The following DOCK1 variants were observed in gnomAD, a reference collection of about 807,000 sequenced individuals.
DOCK1 encodes dedicator of cytokinesis 1.
In DOCK1, 138 loss-of-function variants were observed where a neutral mutation model predicts 262.7. The ratio of observed to expected loss-of-function variants is 0.53; its 90% CI spans 0.46 to 0.61. DOCK1 has a LOEUF of 0.61. DOCK1 is among the 20% of genes least tolerant of loss of function. DOCK1 has a pLI of 0.00. For missense variants in DOCK1, 1,908 were observed against 2,370.7 expected, an observed-to-expected ratio of 0.80 and a Z score of 4.05; for synonymous variants, 866 against 867.4, an observed-to-expected ratio of 1.00 and a Z score of 0.03.
chr10:127,344,408 C>A (rs559133337), intron 31 of DOCK1: 3 of 152,266 alleles, frequency 2.0e-5, no homozygotes, highest in Non-Finnish European at 2.9e-5. Context: ...TCGTCTCTTT[C>A]TGCCTCCGTT....
rs1591745636 is a variant in DOCK1 at position 127,031,762 on chromosome 10, T to C, written c.1728+9T>C. On this transcript the variant is annotated intron_variant, in intron 17 of 51. Coordinates refer to ENST00000623213, the MANE Select transcript of DOCK1 (RefSeq NM_001290223.2). ...ATCTTATCGTCTATAAGGTATCTGG[T>C]TGCATTGGTGCAATATTGCTGCTAT... 1.9e-6 allele frequency: 3 copies of C among 1,608,938 alleles called. No individual in the cohort carries two copies. In the Middle Eastern group the frequency reaches 5.0e-4, roughly 266 times the overall value.
intron 38 of DOCK1, among the ~76,000 whole-genome samples, chr10:127,389,875 G>T (rs897577121): frequency 6.6e-6 from 1 of 152,082 alleles, no homozygotes; most frequent in Non-Finnish European, 1.5e-5. Context: ...TTAGCCCATC[G>T]TGGTGGCAGG....
chr10:127,428,758 GGGTACCGTGTGGACTGT>G, intron 47 of DOCK1, among the ~76,000 whole-genome samples: 1 of 140,036 alleles, frequency 7.1e-6, no homozygotes, highest in Non-Finnish European at 1.5e-5. Flanking sequence ...GTGTGGATTG[GGGTACCGTGTGGACTGT>G]GGTGCTGTGT....
rs1277617925 is a variant in DOCK1, at chr10:127,100,579, T to C, written c.2446-5652T>C. On this transcript the variant is annotated intron_variant, in intron 23 of 51. Coordinates refer to ENST00000623213, the MANE Select transcript of DOCK1 (RefSeq NM_001290223.2). The surrounding 1 kb of genome is among the most constrained non-coding windows in gnomAD (Gnocchi z 5.5). Reference sequence around the variant, plus strand: ...GGAGATGGATCAGAATTGGGAGTCATTGGCATGGCAGGAGGTGAGGTCCCT... The same window carrying C: ...GGAGATGGATCAGAATTGGGAGTCACTGGCATGGCAGGAGGTGAGGTCCCT... Among the ~76,000 whole-genome samples, 1 of 151,872 alleles carries C rather than the reference T, an allele frequency of 6.6e-6. No individual in the cohort carries two copies. Among genetic ancestry groups the C allele is most frequent in the Non-Finnish European group, 1.5e-5 (1 of 67,948 alleles).
chr10:126,931,469 A>G (rs1446017767), intron 1 of DOCK1, among the ~76,000 whole-genome samples: 1 of 151,994 alleles, frequency 6.6e-6, no homozygotes, highest in Admixed American at 6.6e-5. Flanking sequence ...CCAGAAGTGC[A>G]GGTTCAGGAG....
At chr10:127,381,180 C>T in intron 36 of DOCK1, 98 bp from the exon 37 acceptor site, 3 of 974,106 alleles carry the variant, frequency 3.1e-6, no homozygotes, top group Non-Finnish European at 2.9e-6. Flanking sequence ...GGAAGTGTAG[C>T]CATGATTTAC....
chr10:127,195,796 C>T (rs918120620), intron 27 of DOCK1, among the ~76,000 whole-genome samples: 7 of 152,158 alleles, frequency 4.6e-5, no homozygotes, highest in Non-Finnish European at 8.8e-5. Context: ...CCTTGCCCCC[C>T]ACCTGCGACC....
intron 1 of DOCK1, among the ~76,000 whole-genome samples, chr10:126,963,806 G>C (rs1367968574): frequency 2.0e-5 from 3 of 151,920 alleles, no homozygotes; most frequent in African/African-American, 7.3e-5. Context: ...GTGATTAAAT[G>C]GTGGCAGTGT....
At chr10:127,303,237 C>T (rs1458557504) in intron 29 of DOCK1, among the ~76,000 whole-genome samples, 1 of 152,066 alleles carries the variant, frequency 6.6e-6, no homozygotes, top group Non-Finnish European at 1.5e-5. Flanking sequence ...GAGGACACCT[C>T]AAGGATAGGA....
intron 29 of DOCK1, among the ~76,000 whole-genome samples, chr10:127,268,005 G>A (rs534507093): frequency 6.6e-6 from 1 of 152,096 alleles, no homozygotes; most frequent in South Asian, 2.1e-4. Flanking sequence ...TTCCCCTAGA[G>A]GAAAATCGAC....
At chr10:127,053,845 G>T (rs541493260) in intron 22 of DOCK1, among the ~76,000 whole-genome samples, 1 of 152,178 alleles carries the variant, frequency 6.6e-6, no homozygotes, top group Non-Finnish European at 1.5e-5. Context: ...TAAGTGTGTT[G>T]AGGGTGGGGT....
chr10:127,389,813 A>T (rs1005632609), intron 38 of DOCK1, among the ~76,000 whole-genome samples: 1 of 152,080 alleles, frequency 6.6e-6, no homozygotes, highest in Non-Finnish European at 1.5e-5. Flanking sequence ...CAGGAGTTTG[A>T]GACCAGCCTG....
chr10:127,274,023 T>C (rs530396199), intron 29 of DOCK1, among the ~76,000 whole-genome samples: 1 of 152,330 alleles, frequency 6.6e-6, no homozygotes, highest in African/African-American at 2.4e-5. Flanking sequence ...TCTTATGAGA[T>C]ACGCTTGGGG....
intron 10 of DOCK1, among the ~76,000 whole-genome samples, chr10:127,005,398 C>T (rs767508096): frequency 1.3e-5 from 2 of 151,974 alleles, no homozygotes; most frequent in African/African-American, 2.4e-5. Context: ...TTTTGGTAAT[C>T]GTATTCTATC....
At chr10:127,287,683 G>GT (rs1448252138) in intron 29 of DOCK1, among the ~76,000 whole-genome samples, 6 of 152,186 alleles carry the variant, frequency 3.9e-5, no homozygotes, top group Non-Finnish European at 5.9e-5. Context: ...GTTTGTTGTT[G>GT]TTTTTTAGCA....
chr10:127,353,145 G>A (rs1565017438), intron 31 of DOCK1, among the ~76,000 whole-genome samples: 1 of 152,082 alleles, frequency 6.6e-6, no homozygotes, highest in Admixed American at 6.5e-5. Context: ...CCTGCACATC[G>A]AGAACCTCAC....
intron 29 of DOCK1, among the ~76,000 whole-genome samples, chr10:127,312,545 G>A (rs999442420): frequency 1.3e-5 from 2 of 152,078 alleles, no homozygotes; most frequent in African/African-American, 4.8e-5. Flanking sequence ...AGCATTTTAG[G>A]TTGGTGACTG....
intron 29 of DOCK1, among the ~76,000 whole-genome samples, chr10:127,288,898 A>G (rs2135348009): frequency 6.6e-6 from 1 of 152,156 alleles, no homozygotes; most frequent in East Asian, 1.9e-4. Context: ...CAATCAAGTC[A>G]TGTTTCTCAG....
At position 127,208,812 on chromosome 10, in the gene DOCK1, T is replaced by C. The variant is rs925586349; in HGVS notation, c.2848-39196T>C. Among the ~76,000 whole-genome samples, 7 of 152,194 alleles carry C rather than the reference T, an allele frequency of 4.6e-5. No individual in the cohort carries two copies. In the South Asian group the frequency reaches 1.5e-3, roughly 32 times the overall value. On this transcript the variant is annotated intron_variant, in intron 27 of 51. Coordinates refer to ENST00000623213, the MANE Select transcript of DOCK1 (RefSeq NM_001290223.2). ...AACGTTGAGATGTTCTCTAAGATAA[T>C]AACGTTGAGATATTCTCTAAAGACC...
Sources: allele counts gnomAD v4.1 joint callset (sites outside exome capture counted in the v4.1 genomes callset), GRCh38; gene constraint gnomAD v4.1.1; non-coding constraint Gnocchi (gnomAD v3.1); transcripts MANE v1.5; gene names NCBI Gene and HGNC (gene_info 2026-07-23, HGNC 2026-07-21).